The following LRP8 variants were observed in gnomAD, a reference collection of about 807,000 sequenced individuals.
The protein encoded by LRP8 is LDL receptor related protein 8.
LRP8 carries 46 observed loss-of-function variants against 111.6 expected under a neutral mutation model. The ratio of observed to expected loss-of-function variants is 0.41; its 90% CI spans 0.33 to 0.53. LRP8 has a LOEUF of 0.53. Ranked by LOEUF, LRP8 falls within the 20% of genes least tolerant of loss-of-function variation. The pLI is 0.20. For missense variants in LRP8, 959 were observed against 1,297.4 expected, an observed-to-expected ratio of 0.74 and a Z score of 4.01; for synonymous variants, 464 against 511.2, an observed-to-expected ratio of 0.91 and a Z score of 1.24.
intron 2 of LRP8, among the ~76,000 whole-genome samples, chr1:53,297,312 C>T (rs1382438179): frequency 1.3e-5 from 2 of 152,212 alleles, no homozygotes; most frequent in African/African-American, 4.8e-5. Flanking sequence ...CTGATGCCTT[C>T]CCTGAAAGGA....
rs1645698729 is a variant in LRP8, at chr1:53,245,109, A to T, written c.*1909T>A. 6.6e-6 allele frequency: 1 copy of T among 152,230 alleles called. No individual in the cohort carries two copies. The highest frequency in any genetic ancestry group is 1.5e-5 in the Non-Finnish European group (1 of 68,048). 9.4% of individuals were successfully genotyped at this position (152,230 alleles called of 1,614,324 possible). On this transcript the variant is annotated 3_prime_UTR_variant, in exon 19 of 19. Transcript: ENST00000306052. ...TAGGAGGCCAAGAGTGACACAGAGG[A>T]AGGTCCTAGGTACAGGATGCTAGAA...
At chr1:53,292,908 A>G (rs1360687856) in intron 2 of LRP8, among the ~76,000 whole-genome samples, 2 of 152,226 alleles carry the variant, frequency 1.3e-5, no homozygotes, top group African/African-American at 4.8e-5. Flanking sequence ...AAAACCTTAC[A>G]GCAGGTGGGA....
chr1:53,271,271 G>A lies in LRP8; in HGVS notation c.1082C>T (p.Thr361Met), dbSNP rs749421029. Residue 361 changes from threonine (T) to methionine (M), a missense_variant, in exon 7 of 19, where the codon ACG (threonine) becomes ATG (methionine). Coordinates refer to ENST00000306052, the MANE Select transcript of LRP8 (RefSeq NM_004631.5). ...CAGGAGCTGGAAGCCTGCTGGGCAC[G>A]TGCATTCAAAGCCAATCTTGAGGTC... Reference protein sequence around the residue: ...CTDLKIGFECTCPAGFQLLDQ... With the variant: ...CTDLKIGFECMCPAGFQLLDQ... The A allele has an allele frequency of 1.3e-5, 21 of 1,613,770 alleles. No individual in the cohort carries two copies. Among genetic ancestry groups the A allele is most frequent in the Admixed American group, 1.7e-5 (1 of 59,974 alleles).
At chr1:53,316,857 AG>A (rs1653873627) in intron 2 of LRP8, among the ~76,000 whole-genome samples, 1 of 152,142 alleles carries the variant, frequency 6.6e-6, no homozygotes, top group African/African-American at 2.4e-5. Context: ...CTGCTGTGGC[AG>A]GGGGCAGGCC....
chr1:53,260,674 G>A (rs1432899797), intron 12 of LRP8, 69 bp from the exon 13 acceptor site: 5 of 1,518,948 alleles, frequency 3.3e-6, no homozygotes, highest in Non-Finnish European at 4.5e-6. Flanking sequence ...TGAGGGGTTG[G>A]CCCCAAACCA....
rs1553199822 is a variant in LRP8, at chr1:53,327,835, G to GAGCCGCAGCAGCAGCAGCAGC, written c.77_78insGCTGCTGCTGCTGCTGCGGCT (p.Leu26_Gln27insLeuLeuLeuLeuLeuArgLeu). 6.6e-7 allele frequency: 1 copy of GAGCCGCAGCAGCAGCAGCAGC among 1,511,344 alleles called. No individual in the cohort carries two copies. Among genetic ancestry groups the GAGCCGCAGCAGCAGCAGCAGC allele is most frequent in the African/African-American group, 1.4e-5 (1 of 69,810 alleles). 93.6% of individuals were successfully genotyped at this position (1,511,344 alleles called of 1,614,324 possible). On this transcript the variant is annotated inframe_insertion, in exon 1 of 19. Transcript: ENST00000306052. The stretch of plus-strand genomic sequence containing the variant: ...CAGCCGCTGCCGCCGCAAGATGCTG[G>GAGCCGCAGCAGCAGCAGCAGC]AGCTGCAGCAGCAGCAGCAGCAGCA...
Position 53,243,238 on chromosome 1 carries a change from G to C in LRP8, c.*3780C>G, listed in dbSNP as rs1645673950. On this transcript the variant is annotated 3_prime_UTR_variant, in exon 19 of 19. Coordinates refer to ENST00000306052, the MANE Select transcript of LRP8 (RefSeq NM_004631.5). ...TCCCCATTCCCACCAGTGCCCAACT[G>C]GACAGTGATTAGTATCCCCTCTCCA... The C allele has an allele frequency of 6.6e-6, 1 of 152,120 alleles. No individual in the cohort carries two copies. The highest frequency in any genetic ancestry group is 1.5e-5 in the Non-Finnish European group (1 of 68,036). 9.4% of individuals were successfully genotyped at this position (152,120 alleles called of 1,614,324 possible). A position where few individuals can be genotyped will look rare whatever the true frequency, so the allele number is the denominator to read the frequency against.
At chr1:53,261,228 T>A (rs1646326916) in intron 12 of LRP8, among the ~76,000 whole-genome samples, 1 of 152,238 alleles carries the variant, frequency 6.6e-6, no homozygotes, top group South Asian at 2.1e-4. Flanking sequence ...ATGCACACTT[T>A]TATTCTGATG....
At chr1:53,314,451 T>C (rs977150113) in intron 2 of LRP8, among the ~76,000 whole-genome samples, 1 of 152,190 alleles carries the variant, frequency 6.6e-6, no homozygotes, top group Admixed American at 6.5e-5. Flanking sequence ...TGTCACAGGC[T>C]GGACTTCCCT....
chr1:53,310,851 G>A lies in LRP8; in HGVS notation c.244+16022C>T, dbSNP rs80109146. Reference sequence around the variant, plus strand: ...CTCCTCTGTGCTGGGCCCTGTGATGGGCACTGGGGGGTTGGGAAAGAGTGC... The same window carrying A: ...CTCCTCTGTGCTGGGCCCTGTGATGAGCACTGGGGGGTTGGGAAAGAGTGC... On this transcript the variant is annotated intron_variant, in intron 2 of 18. Coordinates refer to ENST00000306052, the MANE Select transcript of LRP8 (RefSeq NM_004631.5). Among the ~76,000 whole-genome samples, 56 of 152,298 alleles carry A rather than the reference G, an allele frequency of 3.7e-4. No individual in the cohort carries two copies. In the East Asian group the frequency reaches 8.3e-3, roughly 23 times the overall value.
In LRP8 at chr1:53,244,629, T is replaced by G. The variant is rs573168452; in HGVS notation, c.*2389A>C. On this transcript the variant is annotated 3_prime_UTR_variant, in exon 19 of 19. Transcript: ENST00000306052. ...AACATGAATGTCTCTGAGAAAAAGT[T>G]GTGAATTTCATTGTCATTTTGAGAT... 2.0e-5 allele frequency: 3 copies of G among 152,368 alleles called. No homozygotes were observed. In the East Asian group the frequency reaches 5.8e-4, roughly 29 times the overall value. 9.4% of individuals were successfully genotyped at this position (152,368 alleles called of 1,614,324 possible).
chr1:53,247,006 G>T lies in LRP8; in HGVS notation c.*12C>A, dbSNP rs374896718. 1 of 1,605,148 alleles carries T rather than the reference G, an allele frequency of 6.2e-7. No individual in the cohort carries two copies. The highest frequency in any genetic ancestry group is 8.5e-7 in the Non-Finnish European group (1 of 1,176,252). ...CTGAATTCCATGAGGCACGAAGGGG[G>T]TGATCCCATCCTCAGGGTAGTCCAT... On this transcript the variant is annotated 3_prime_UTR_variant, in exon 19 of 19. Transcript: ENST00000306052.
chr1:53,284,691 T>C (rs772251467), intron 3 of LRP8, among the ~76,000 whole-genome samples: 5 of 152,224 alleles, frequency 3.3e-5, no homozygotes, highest in African/African-American at 4.8e-5. Context: ...GTCTGCTTCC[T>C]TTCTTTATAA....
At chr1:53,295,500 G>A (rs997302696) in intron 2 of LRP8, among the ~76,000 whole-genome samples, 4 of 152,086 alleles carry the variant, frequency 2.6e-5, no homozygotes, top group African/African-American at 9.7e-5. Context: ...TAAACACAGG[G>A]CTGCTCTCCA....
rs559558829 is a variant in LRP8, at chr1:53,297,648, G to A, written c.245-7959C>T. On this transcript the variant is annotated intron_variant, in intron 2 of 18. Coordinates refer to ENST00000306052, the MANE Select transcript of LRP8 (RefSeq NM_004631.5). Reference sequence around the variant, plus strand: ...TCCAGCCAAAGGATTCACCCCATTCGGAATGAAGAGGCTGCAGCGGAAGGA... The same window carrying A: ...TCCAGCCAAAGGATTCACCCCATTCAGAATGAAGAGGCTGCAGCGGAAGGA... Among the ~76,000 whole-genome samples the A allele has an allele frequency of 2.0e-5, 3 of 152,326 alleles. No individual in the cohort carries two copies. The South Asian group carries it at 6.2e-4, about 32-fold the overall frequency.
intron 13 of LRP8, among the ~76,000 whole-genome samples, chr1:53,258,769 G>A (rs938284436): frequency 1.1e-4 from 16 of 150,430 alleles, no homozygotes; most frequent in African/African-American, 3.7e-4. Context: ...CTCTAGCCCC[G>A]CTATTACCTT....
rs1242540945 is a variant in LRP8, at chr1:53,279,266, G to T, written c.496+1321C>A. On this transcript the variant is annotated intron_variant, in intron 4 of 18. Transcript: ENST00000306052. The surrounding 1 kb of genome is among the most constrained non-coding windows in gnomAD (Gnocchi z 4.4). ...GACTCTTTCCTCTGCCTAGGAGGGT[G>T]GAAGCTATAGCATAGAAGCCCAGTA... Among the ~76,000 whole-genome samples the T allele has an allele frequency of 6.6e-6, 1 of 152,112 alleles. No homozygotes were observed. The highest frequency in any genetic ancestry group is 1.5e-5 in the Non-Finnish European group (1 of 68,016).
Position 53,293,976 on chromosome 1 carries a change from C to T in LRP8, c.245-4287G>A, listed in dbSNP as rs185702286. On this transcript the variant is annotated intron_variant, in intron 2 of 18. Coordinates refer to ENST00000306052, the MANE Select transcript of LRP8 (RefSeq NM_004631.5). This position sits in a 1 kb window ranked among gnomAD's most constrained non-coding sequence, Gnocchi z 4.9. ...GTGTCAGGCCGTTCAGTGCAATGAG[C>T]CCAATAGTCCCTCGTGAAGAGACCA... is the stretch of plus-strand genomic sequence containing the variant. 9.4e-4 allele frequency among the ~76,000 whole-genome samples: 143 copies of T among 152,326 alleles called. No homozygotes were observed. Among genetic ancestry groups the T allele is most frequent in the African/African-American group, 3.3e-3 (137 of 41,554 alleles).
intron 2 of LRP8, among the ~76,000 whole-genome samples, chr1:53,297,165 G>A (rs150007172): frequency 1.1e-3 from 171 of 152,248 alleles, no homozygotes; most frequent in African/African-American, 3.8e-3. Context: ...GCTTCCACAT[G>A]GCTCTGCTTC....
Sources: gnomAD v4.1 joint callset for allele counts (sites outside exome capture counted in the v4.1 genomes callset) on GRCh38, gnomAD v4.1.1 for gene constraint, Gnocchi (gnomAD v3.1) non-coding constraint, MANE v1.5 for transcripts, NCBI Gene and HGNC (gene_info 2026-07-23, HGNC 2026-07-21) for gene names.